The following TBC1D4 variants were observed in gnomAD, a reference collection of about 807,000 sequenced individuals.
TBC1D4 encodes the protein TBC1 domain family member 4.
Under a neutral mutation model 142.5 loss-of-function variants are expected in TBC1D4, and 121 were observed. That is an observed-to-expected ratio of 0.85 (90% CI 0.73 to 0.99). TBC1D4 has a LOEUF of 0.99. Ranked by LOEUF, TBC1D4 falls within the 50% of genes least tolerant of loss-of-function variation. The pLI is 0.00. For missense variants in TBC1D4, 1,475 were observed against 1,606.6 expected (o/e 0.92, Z 1.40); for synonymous variants, 630 against 628.2 (o/e 1.00, Z -0.04).
chr13:75,348,950 AGAGAGTGTGTGT>A (rs1219776026), intron 5 of TBC1D4, among the ~76,000 whole-genome samples: 9 of 124,914 alleles, frequency 7.2e-5, no homozygotes, highest in African/African-American at 2.8e-4. Flanking sequence ...AGAGAGAGAG[AGAGAGTGTGTGT>A]GTGTGTGTGT....
intron 1 of TBC1D4, 84 bp downstream of exon 1, chr13:75,481,186 A>G: frequency 1.4e-6 from 2 of 1,453,420 alleles, no homozygotes; most frequent in South Asian, 1.3e-5. Context: ...GTCGGTCCTT[A>G]AAGTGGGGTC....
At chr13:75,401,883 G>A (rs1363811190) in intron 1 of TBC1D4, among the ~76,000 whole-genome samples, 1 of 152,186 alleles carries the variant, frequency 6.6e-6, no homozygotes, top group Admixed American at 6.5e-5. Flanking sequence ...ATGAATGAAG[G>A]AATGTTTCAA....
At chr13:75,432,218 A>T (rs1886617971) in intron 1 of TBC1D4, among the ~76,000 whole-genome samples, 1 of 152,158 alleles carries the variant, frequency 6.6e-6, no homozygotes, top group South Asian at 2.1e-4. Context: ...AGTGTGAAAT[A>T]TTCAGGGAAA....
At chr13:75,469,195 T>C (rs552092435) in intron 1 of TBC1D4, among the ~76,000 whole-genome samples, 3 of 152,296 alleles carry the variant, frequency 2.0e-5, no homozygotes, top group Non-Finnish European at 2.9e-5. Flanking sequence ...TGTCTGAATG[T>C]AATGCATGCA....
At chr13:75,352,839 A>G (rs1459197978) in intron 4 of TBC1D4, among the ~76,000 whole-genome samples, 1 of 152,226 alleles carries the variant, frequency 6.6e-6, no homozygotes, top group East Asian at 1.9e-4. Flanking sequence ...GTTGCAATAC[A>G]TTGTGTTACA....
Position 75,362,549 on chromosome 13 carries a change from G to A in TBC1D4, c.557C>T (p.Ala186Val), listed in dbSNP as rs938849656. The A allele has an allele frequency of 6.2e-7, 1 of 1,614,182 alleles. No individual in the cohort carries two copies. The highest frequency in any genetic ancestry group is 8.5e-7 in the Non-Finnish European group (1 of 1,180,038). ...QLSKAAMKED[A>V]KPSKDNEDAF... Reference sequence around the variant, plus strand: ...GTCCTCATTATCTTTGCTGGGTTTGGCATCCTCTTTCATGGCCGCTTTAGA... The same window carrying A: ...GTCCTCATTATCTTTGCTGGGTTTGACATCCTCTTTCATGGCCGCTTTAGA... Residue 186 changes from alanine (A) to valine (V), a missense_variant, in exon 2 of 21, where the codon GCC (alanine) becomes GTC (valine). Transcript: ENST00000377636. The surrounding 1 kb of genome is among the most constrained non-coding windows in gnomAD (Gnocchi z 4.2).
chr13:75,290,995 C>T (rs1442733616), intron 19 of TBC1D4, among the ~76,000 whole-genome samples: 3 of 152,124 alleles, frequency 2.0e-5, no homozygotes, highest in African/African-American at 7.2e-5. Flanking sequence ...GCATAATTGT[C>T]AAATCTATCA....
intron 1 of TBC1D4, among the ~76,000 whole-genome samples, chr13:75,410,117 A>G (rs1885564294): frequency 6.6e-6 from 1 of 152,348 alleles, no homozygotes; most frequent in South Asian, 2.1e-4. Context: ...AAGCTAATGT[A>G]CGTAAATAAC....
chr13:75,423,891 G>A lies in TBC1D4; in HGVS notation c.498+57379C>T, dbSNP rs576372581. Among the ~76,000 whole-genome samples, 12 of 152,286 alleles carry A rather than the reference G, an allele frequency of 7.9e-5. No homozygotes were observed. In the East Asian group the frequency reaches 1.9e-3, roughly 24 times the overall value. ...CAGTTTTGCAAGAAAAGAAGTTCTG[G>A]AGACTGCACAACAATGGAAACATAC... On this transcript the variant is annotated intron_variant, in intron 1 of 20. Transcript: ENST00000377636.
At chr13:75,353,806 C>G (rs1411028370) in intron 4 of TBC1D4, among the ~76,000 whole-genome samples, 1 of 152,158 alleles carries the variant, frequency 6.6e-6, no homozygotes, top group Non-Finnish European at 1.5e-5. Context: ...ACTCTCCTTG[C>G]TTAGTAACAG....
chr13:75,472,206 T>G (rs1290972824), intron 1 of TBC1D4, among the ~76,000 whole-genome samples: 1 of 151,284 alleles, frequency 6.6e-6, no homozygotes, highest in African/African-American at 2.4e-5. Context: ...GGTCGGATCA[T>G]GAGGTCAAGA....
intron 4 of TBC1D4, among the ~76,000 whole-genome samples, chr13:75,352,670 G>A (rs2138130197): frequency 6.6e-6 from 1 of 152,286 alleles, no homozygotes; most frequent in East Asian, 1.9e-4. Context: ...AAAGACAGGA[G>A]AAAAGGAAGA....
intron 18 of TBC1D4, 120 bp downstream of exon 18, chr13:75,294,734 T>C: frequency 9.7e-7 from 1 of 1,030,146 alleles, no homozygotes; most frequent in Non-Finnish European, 1.4e-6. Flanking sequence ...TAAATTCCAT[T>C]AGCAATTTGC....
At chr13:75,339,686 C>T (rs2764715) in intron 7 of TBC1D4, among the ~76,000 whole-genome samples, 2,728 of 152,226 alleles carry the variant, frequency 0.018, 90 homozygotes, top group African/African-American at 0.061. Flanking sequence ...CGTGCTTCTC[C>T]TGCCTCAGCT....
chr13:75,425,470 A>G (rs529226067), intron 1 of TBC1D4, among the ~76,000 whole-genome samples: 2 of 152,344 alleles, frequency 1.3e-5, no homozygotes, highest in South Asian at 4.1e-4. Flanking sequence ...TACTGGGTAT[A>G]TATCTAAAGG....
At chr13:75,396,369 A>T (rs1405034939) in intron 1 of TBC1D4, among the ~76,000 whole-genome samples, 1 of 152,242 alleles carries the variant, frequency 6.6e-6, no homozygotes, top group African/African-American at 2.4e-5. Flanking sequence ...AAAATATTCC[A>T]GATCTTGTTG....
At chr13:75,457,547 T>C (rs1010572696) in intron 1 of TBC1D4, among the ~76,000 whole-genome samples, 3 of 152,168 alleles carry the variant, frequency 2.0e-5, no homozygotes, top group African/African-American at 4.8e-5. Context: ...CAGTAAACCT[T>C]CCTTTGTAAC....
At position 75,306,476 on chromosome 13, in the gene TBC1D4, G is replaced by GC; in HGVS notation, c.2594-6_2594-5insG. On this transcript the variant is annotated splice_region_variant and splice_polypyrimidine_tract_variant and intron_variant, in intron 14 of 20. Coordinates refer to ENST00000377636, the MANE Select transcript of TBC1D4 (RefSeq NM_014832.5). ...ACTGGAGTTCATCTCTGCTTGCTAA[G>GC]GAAAAAAACAATTTACGTAAGACCA... 6.2e-7 allele frequency: 1 copy of GC among 1,612,314 alleles called. No homozygotes were observed. The highest frequency in any genetic ancestry group is 8.5e-7 in the Non-Finnish European group (1 of 1,179,684).
intron 1 of TBC1D4, among the ~76,000 whole-genome samples, chr13:75,367,790 T>TA (rs1201335826): frequency 3.9e-5 from 6 of 152,202 alleles, no homozygotes; most frequent in Non-Finnish European, 7.3e-5. Flanking sequence ...TGGTATGAAG[T>TA]AAAATGCAGC....
Sources: allele counts gnomAD v4.1 joint callset (sites outside exome capture counted in the v4.1 genomes callset), GRCh38; gene constraint gnomAD v4.1.1; non-coding constraint Gnocchi (gnomAD v3.1); transcripts MANE v1.5; gene names NCBI Gene and HGNC (gene_info 2026-07-23, HGNC 2026-07-21).